Variants in CRPPA observed in about 807,000 individuals in gnomAD.
CRPPA encodes the protein CDP-L-ribitol pyrophosphorylase A.
Under a neutral mutation model 52.0 loss-of-function variants are expected in CRPPA, and 43 were observed. The observed-to-expected ratio is 0.83, with a 90% confidence interval of 0.65 to 1.07. The LOEUF (loss-of-function observed/expected upper bound fraction) is 1.07. CRPPA is among the 50% of genes least tolerant of loss of function. CRPPA has a pLI of 0.00. For missense variants in CRPPA, 629 were observed against 551.7 expected (o/e 1.14, Z -1.40); for synonymous variants, 250 against 203.5 (o/e 1.23, Z -1.94).
chr7:16,337,502 A>C (rs1335454021), intron 3 of CRPPA, among the ~76,000 whole-genome samples: 1 of 152,110 alleles, frequency 6.6e-6, no homozygotes, highest in Middle Eastern at 3.2e-3. Context: ...CATCTATATC[A>C]AGGTAGATCA....
chr7:16,170,287 A>G (rs1184839092), intron 9 of CRPPA, among the ~76,000 whole-genome samples: 1 of 152,226 alleles, frequency 6.6e-6, no homozygotes, highest in African/African-American at 2.4e-5. Flanking sequence ...CAGAGGAGAA[A>G]TATTGGAACC....
intron 2 of CRPPA, among the ~76,000 whole-genome samples, chr7:16,387,054 T>G (rs1377698212): frequency 3.5e-5 from 2 of 56,774 alleles, no homozygotes; most frequent in Admixed American, 1.7e-4. Context: ...GATATATATA[T>G]ATATATATAT....
chr7:16,197,537 T>A (rs1335339532), intron 9 of CRPPA, among the ~76,000 whole-genome samples: 1 of 151,940 alleles, frequency 6.6e-6, no homozygotes, highest in Non-Finnish European at 1.5e-5. Flanking sequence ...GGTTTCATCA[T>A]GTTGCCCTAG....
At chr7:16,173,472 A>G (rs73056371) in intron 9 of CRPPA, among the ~76,000 whole-genome samples, 2,218 of 152,294 alleles carry the variant, frequency 0.015, 27 homozygotes, top group Non-Finnish European at 0.022. Context: ...ATGAAATAAC[A>G]TATGGAACAT....
At position 16,194,365 on chromosome 7, in the gene CRPPA, C is replaced by T. The variant is rs193010720; in HGVS notation, c.1251+21701G>A. Among the ~76,000 whole-genome samples, 51 of 152,250 alleles carry T rather than the reference C, an allele frequency of 3.3e-4. No homozygotes were observed. In the East Asian group the frequency reaches 9.9e-3, roughly 29 times the overall value. ...TCTGCTTCCTCAGAGCTTTTACACA[C>T]ACAGATACTTTTGTTACCACTTATG... On this transcript the variant is annotated intron_variant, in intron 9 of 9. Coordinates refer to ENST00000407010, the MANE Select transcript of CRPPA (RefSeq NM_001101426.4).
intron 9 of CRPPA, among the ~76,000 whole-genome samples, chr7:16,104,921 A>T (rs2128365239): frequency 6.6e-6 from 1 of 152,198 alleles, no homozygotes; most frequent in East Asian, 1.9e-4. Flanking sequence ...AAAAAGAAAA[A>T]AAAAATCTTA....
chr7:16,099,156 G>T (rs1781989376), intron 9 of CRPPA, among the ~76,000 whole-genome samples: 1 of 151,876 alleles, frequency 6.6e-6, no homozygotes, highest in Non-Finnish European at 1.5e-5. Flanking sequence ...AGGTGGCTGA[G>T]TGGGGAGGAT....
chr7:16,371,633 G>A (rs944599775), intron 3 of CRPPA, among the ~76,000 whole-genome samples: 1 of 151,306 alleles, frequency 6.6e-6, no homozygotes, highest in Admixed American at 6.6e-5. Flanking sequence ...AGTAATTCTG[G>A]CAGTATGACA....
At chr7:16,381,044 G>C (rs560490110) in intron 2 of CRPPA, among the ~76,000 whole-genome samples, 1 of 151,372 alleles carries the variant, frequency 6.6e-6, no homozygotes, top group East Asian at 2.0e-4. Flanking sequence ...TTTTGAATGT[G>C]TTTGCTCTTG....
At chr7:16,263,164 A>T (rs1375805125) in intron 6 of CRPPA, among the ~76,000 whole-genome samples, 2 of 152,220 alleles carry the variant, frequency 1.3e-5, no homozygotes, top group African/African-American at 4.8e-5. Context: ...TTATATACAT[A>T]TTACATGTCT....
At chr7:16,194,680 T>A (rs1350008972) in intron 9 of CRPPA, among the ~76,000 whole-genome samples, 1 of 152,078 alleles carries the variant, frequency 6.6e-6, no homozygotes, top group Non-Finnish European at 1.5e-5. Context: ...ACCAATTGAA[T>A]TGCAGTGTAT....
At chr7:16,397,412 G>C (rs890113328) in intron 2 of CRPPA, among the ~76,000 whole-genome samples, 12 of 152,310 alleles carry the variant, frequency 7.9e-5, no homozygotes, top group African/African-American at 2.6e-4. Context: ...ACACGTAATG[G>C]ACACGTGACT....
intron 3 of CRPPA, among the ~76,000 whole-genome samples, chr7:16,328,219 T>C (rs534222923): frequency 6.6e-6 from 1 of 152,256 alleles, no homozygotes; most frequent in African/African-American, 2.4e-5. Flanking sequence ...TGTTGTTTTA[T>C]TTTTTTATTT....
chr7:16,238,725 C>T (rs1472219192), intron 8 of CRPPA, among the ~76,000 whole-genome samples: 1 of 152,136 alleles, frequency 6.6e-6, no homozygotes, highest in Non-Finnish European at 1.5e-5. Context: ...TCATGTTTAA[C>T]ATGACTGTTA....
chr7:16,187,772 A>C (rs1450942735), intron 9 of CRPPA, among the ~76,000 whole-genome samples: 1 of 152,132 alleles, frequency 6.6e-6, no homozygotes, highest in Non-Finnish European at 1.5e-5. Context: ...CTTGGGAAAA[A>C]GGGAGTTGAT....
At chr7:16,172,608 C>A (rs1038693448) in intron 9 of CRPPA, among the ~76,000 whole-genome samples, 1 of 152,048 alleles carries the variant, frequency 6.6e-6, no homozygotes, top group Admixed American at 6.6e-5. Context: ...TCTTAGTGGG[C>A]GTGCTTTTCA....
chr7:16,380,547 G>A (rs1379839825), intron 2 of CRPPA, among the ~76,000 whole-genome samples: 4 of 152,078 alleles, frequency 2.6e-5, no homozygotes, highest in Admixed American at 1.3e-4. Context: ...ATTGATTGGA[G>A]TAGTTTCAGA....
intron 3 of CRPPA, among the ~76,000 whole-genome samples, chr7:16,335,817 A>T (rs1283253307): frequency 6.6e-6 from 1 of 152,198 alleles, no homozygotes; most frequent in African/African-American, 2.4e-5. Flanking sequence ...TTGCCAAGAC[A>T]CATCTTAATC....
At chr7:16,258,812 G>GA in intron 7 of CRPPA, 108 bp downstream of exon 7, 1 of 626,404 alleles carries the variant, frequency 1.6e-6, no homozygotes. Context: ...CCAAAAATGT[G>GA]TAGAAGAACT....
Sources: allele counts gnomAD v4.1 joint callset (sites outside exome capture counted in the v4.1 genomes callset), GRCh38; gene constraint gnomAD v4.1.1; transcripts MANE v1.5; gene names NCBI Gene and HGNC (gene_info 2026-07-23, HGNC 2026-07-21).